CSMD1: variants seen among roughly 807,000 people sequenced by gnomAD.
CSMD1 encodes CUB and Sushi multiple domains 1.
Under a neutral mutation model 417.5 loss-of-function variants are expected in CSMD1, and 213 were observed. The observed-to-expected ratio is 0.51, with a 90% CI of 0.46 to 0.57. The LOEUF is 0.57. Among genes scored for constraint, CSMD1 ranks in the 20% least tolerant of loss-of-function variants. The pLI, the probability that CSMD1 is intolerant of heterozygous loss-of-function variation, is 0.00. For missense variants in CSMD1, 6,923 were observed against 4,529.7 expected (o/e 1.53, Z -15.17); for synonymous variants, 2,862 against 1,736.8 (o/e 1.65, Z -16.11).
intron 1 of CSMD1, among the ~76,000 whole-genome samples, chr8:4,941,859 C>T (rs1475892484): frequency 1.3e-5 from 2 of 152,140 alleles, no homozygotes; most frequent in African/African-American, 2.4e-5. Context: ...CTCAGCCTAC[C>T]AAAGTGCTAG....
chr8:4,894,446 G>C (rs1482719457), intron 1 of CSMD1, among the ~76,000 whole-genome samples: 5 of 151,572 alleles, frequency 3.3e-5, no homozygotes, highest in African/African-American at 1.2e-4. Flanking sequence ...AGAGCTGCTT[G>C]GGAGGCTGAG....
intron 47 of CSMD1, among the ~76,000 whole-genome samples, chr8:3,094,504 A>C (rs967882842): frequency 6.6e-6 from 1 of 152,216 alleles, no homozygotes; most frequent in African/African-American, 2.4e-5. Flanking sequence ...ATAGTCTTTA[A>C]AAGCACATAT....
At position 4,751,947 on chromosome 8, in the gene CSMD1, G is replaced by C. The variant is rs373975743; in HGVS notation, c.86-114389C>G. Among the ~76,000 whole-genome samples the C allele has an allele frequency of 7.4e-4, 113 of 152,230 alleles. 2 individuals are homozygous for C. The South Asian group carries it at 0.022, about 30-fold the overall frequency. On this transcript the variant is annotated intron_variant, in intron 1 of 69. Transcript: ENST00000635120. ...GGAAGATCCATGTAATCTGAGAGTG[G>C]GGGAAGTGCAAAGAATATATACATA... is the stretch of plus-strand genomic sequence containing the variant.
intron 11 of CSMD1, among the ~76,000 whole-genome samples, chr8:3,486,914 G>C (rs930214933): frequency 1.3e-5 from 2 of 152,190 alleles, no homozygotes; most frequent in Non-Finnish European, 2.9e-5. Flanking sequence ...ATCTGGCAAT[G>C]TCTGAACTGT....
intron 26 of CSMD1, among the ~76,000 whole-genome samples, chr8:3,270,340 G>C (rs1251521071): frequency 6.6e-6 from 1 of 152,130 alleles, no homozygotes; most frequent in Non-Finnish European, 1.5e-5. Flanking sequence ...ACAGGCATGA[G>C]CCACTGCACC....
intron 2 of CSMD1, among the ~76,000 whole-genome samples, chr8:4,513,680 G>T (rs761965428): frequency 1.3e-5 from 2 of 152,140 alleles, no homozygotes; most frequent in Admixed American, 1.3e-4. Flanking sequence ...AATTGAGAAA[G>T]GTAATTTCAT....
intron 14 of CSMD1, among the ~76,000 whole-genome samples, chr8:3,407,366 A>G (rs1310208064): frequency 1.3e-5 from 2 of 151,638 alleles, no homozygotes; most frequent in Non-Finnish European, 2.9e-5. Flanking sequence ...GGAAAGATGG[A>G]TAAACAATGG....
intron 52 of CSMD1, among the ~76,000 whole-genome samples, chr8:3,014,222 C>T (rs1439848948): frequency 6.6e-6 from 1 of 151,630 alleles, no homozygotes; most frequent in Non-Finnish European, 1.5e-5. Context: ...CTGAATAGTA[C>T]TTATGAATAT....
chr8:4,358,228 G>C (rs1801544569), intron 3 of CSMD1, among the ~76,000 whole-genome samples: 1 of 152,180 alleles, frequency 6.6e-6, no homozygotes, highest in Admixed American at 6.5e-5. Context: ...TGTACCAAAT[G>C]AATGTCACTG....
intron 3 of CSMD1, among the ~76,000 whole-genome samples, chr8:4,187,647 G>C (rs1033150463): frequency 2.2e-4 from 29 of 131,220 alleles, no homozygotes; most frequent in African/African-American, 7.9e-4. Flanking sequence ...CTGCACTCCA[G>C]CCTGGGCAAC....
At chr8:4,094,320 G>A (rs1800885479) in intron 3 of CSMD1, among the ~76,000 whole-genome samples, 1 of 152,104 alleles carries the variant, frequency 6.6e-6, no homozygotes, top group South Asian at 2.1e-4. Context: ...GCGACTGTAG[G>A]AACCCAGGCC....
chr8:3,261,691 C>A (rs1015467489), intron 26 of CSMD1, among the ~76,000 whole-genome samples: 1 of 152,018 alleles, frequency 6.6e-6, no homozygotes, highest in South Asian at 2.1e-4. Context: ...TGGATTCATG[C>A]AACAAGCCGG....
At chr8:3,980,713 C>T (rs1330364591) in intron 5 of CSMD1, among the ~76,000 whole-genome samples, 1 of 152,126 alleles carries the variant, frequency 6.6e-6, no homozygotes, top group East Asian at 1.9e-4. Context: ...AACGATGTGA[C>T]AAGAAGTAAG....
intron 3 of CSMD1, among the ~76,000 whole-genome samples, chr8:4,056,008 A>G (rs1034208111): frequency 6.6e-6 from 1 of 150,846 alleles, no homozygotes; most frequent in Non-Finnish European, 1.5e-5. Context: ...GGAAAATTGT[A>G]GTCTACACAG....
At chr8:4,980,919 A>G (rs1254206787) in intron 1 of CSMD1, among the ~76,000 whole-genome samples, 2 of 151,904 alleles carry the variant, frequency 1.3e-5, no homozygotes, top group African/African-American at 4.8e-5. Context: ...AAAAAAACTT[A>G]TTATCTATCT....
Position 3,800,353 on chromosome 8 carries a change from G to A in CSMD1, c.819-46311C>T, listed in dbSNP as rs371393191. Among the ~76,000 whole-genome samples the A allele has an allele frequency of 6.9e-4, 105 of 152,062 alleles. 1 individual carries two copies. In the East Asian group the frequency reaches 7.4e-3, roughly 11 times the overall value. On this transcript the variant is annotated intron_variant, in intron 5 of 69. Transcript: ENST00000635120. ...TAATATGTCAAAATATTATTGTTCC[G>A]GAAGTGTTTTGAGAAACAAATGAGC...
chr8:4,183,838 TG>T (rs1403272430), intron 3 of CSMD1, among the ~76,000 whole-genome samples: 1 of 152,224 alleles, frequency 6.6e-6, no homozygotes, highest in African/African-American at 2.4e-5. Flanking sequence ...CCTCCTGGAT[TG>T]CCCACCTACC....
chr8:3,519,438 A>G (rs747975972), intron 10 of CSMD1, among the ~76,000 whole-genome samples: 5 of 152,204 alleles, frequency 3.3e-5, no homozygotes, highest in African/African-American at 1.2e-4. Flanking sequence ...TAAAAGATGA[A>G]GTTTCTTGAT....
intron 2 of CSMD1, among the ~76,000 whole-genome samples, chr8:4,476,910 G>A (rs987726182): frequency 6.6e-6 from 1 of 152,128 alleles, no homozygotes; most frequent in African/African-American, 2.4e-5. Flanking sequence ...GGGAATCAAG[G>A]GTGAAAAGAG....
Sources: allele counts gnomAD v4.1 joint callset (sites outside exome capture counted in the v4.1 genomes callset), GRCh38; gene constraint gnomAD v4.1.1; transcripts MANE v1.5; gene names NCBI Gene and HGNC (gene_info 2026-07-23, HGNC 2026-07-21).